Variants in TRDN observed in about 807,000 individuals in gnomAD.
The protein encoded by TRDN is triadin in skeletal muscle.
A neutral mutation model predicts 149.7 loss-of-function variants in TRDN; 161 were observed. That is an observed-to-expected ratio of 1.08 (90% CI 0.95 to 1.23). The LOEUF (loss-of-function observed/expected upper bound fraction) is 1.23, where lower values mean the gene tolerates loss of function less well. Ranked by LOEUF, TRDN falls within the 50% of genes most tolerant of loss-of-function variation. The pLI, the probability that TRDN is intolerant of heterozygous loss-of-function variation, is 0.00. For missense variants in TRDN, 896 were observed against 823.5 expected, an observed-to-expected ratio of 1.09 and a Z score of -1.08; for synonymous variants, 294 against 250.5, an observed-to-expected ratio of 1.17 and a Z score of -1.64.
At chr6:123,541,747 A>G (rs1780846961) in intron 4 of TRDN, among the ~76,000 whole-genome samples, 1 of 152,204 alleles carries the variant, frequency 6.6e-6, no homozygotes, top group South Asian at 2.1e-4. Flanking sequence ...TTCTGAGGCT[A>G]TGAATTTTAA....
chr6:123,400,343 C>T lies in TRDN; in HGVS notation c.1052-6666G>A, dbSNP rs574768411. Among the ~76,000 whole-genome samples, 9 of 151,708 alleles carry T rather than the reference C, an allele frequency of 5.9e-5. No homozygotes were observed. The East Asian group carries it at 1.8e-3, about 30-fold the overall frequency. ...TCCCCAACATTTTTGGCACCAGGGC[C>T]TGGTTTTGTGGAAGACAGTTTATGC... On this transcript the variant is annotated intron_variant, in intron 12 of 40. Coordinates refer to ENST00000334268, the MANE Select transcript of TRDN (RefSeq NM_006073.4).
intron 1 of TRDN, 108 bp from the exon 2 acceptor site, chr6:123,571,240 G>T: frequency 8.6e-7 from 1 of 1,163,448 alleles, no homozygotes; most frequent in African/African-American, 1.5e-5. Flanking sequence ...CTGCTTTCTA[G>T]AGCAGCACAA....
Position 123,350,087 on chromosome 6 carries a change from G to C in TRDN, c.1369+2452C>G, listed in dbSNP as rs569577910. 1.4e-5 allele frequency: 14 copies of C among 978,316 alleles called. No individual in the cohort carries two copies. In the East Asian group the frequency reaches 6.8e-4, roughly 48 times the overall value. The allele number at this position is 978,316 out of a possible 1,614,324, so 60.6% of individuals were successfully genotyped here. A position where few individuals can be genotyped will look rare whatever the true frequency, so the allele number is the denominator to read the frequency against. On this transcript the variant is annotated intron_variant, in intron 21 of 40. Transcript: ENST00000334268. ...ACTCTGATACATTTATGATCAACAG[G>C]CTCCAACTTTATACTTAATAAAATG... is the stretch of plus-strand genomic sequence containing the variant.
chr6:123,457,690 T>TAACTG (rs71021450), intron 10 of TRDN: 43,955 of 335,174 alleles, frequency 0.13, 3,844 homozygotes, highest in South Asian at 0.21. Context: ...TTTAACATAT[T>TAACTG]AACTGAAAGA....
chr6:123,282,594 A>T (rs1389335067), intron 24 of TRDN, among the ~76,000 whole-genome samples: 1 of 151,924 alleles, frequency 6.6e-6, no homozygotes, highest in African/African-American at 2.4e-5. Flanking sequence ...TAAAGCCTAT[A>T]TATTATGTGG....
chr6:123,363,752 T>C (rs187433121), intron 20 of TRDN, among the ~76,000 whole-genome samples: 1 of 152,314 alleles, frequency 6.6e-6, no homozygotes, highest in East Asian at 1.9e-4. Flanking sequence ...TTCAATTCTG[T>C]CTATGTGCTA....
chr6:123,557,082 C>A (rs1379091826), intron 2 of TRDN, among the ~76,000 whole-genome samples: 6 of 111,300 alleles, frequency 5.4e-5, no homozygotes, highest in Non-Finnish European at 9.0e-5. Context: ...CAGAGAATAA[C>A]CCCCCTTTGA....
At chr6:123,564,050 A>T (rs528771030) in intron 2 of TRDN, among the ~76,000 whole-genome samples, 5 of 152,256 alleles carry the variant, frequency 3.3e-5, no homozygotes, top group Admixed American at 3.3e-4. Flanking sequence ...CTTCTTAAAA[A>T]TGAATACTTT....
intron 12 of TRDN, among the ~76,000 whole-genome samples, chr6:123,408,281 C>CTATA (rs1488116148): frequency 2.0e-5 from 3 of 152,192 alleles, no homozygotes; most frequent in Admixed American, 1.3e-4. Context: ...AAGCATCTCA[C>CTATA]TATACATGGT....
intron 12 of TRDN, among the ~76,000 whole-genome samples, chr6:123,424,004 T>C (rs1774016371): frequency 6.6e-6 from 1 of 152,204 alleles, no homozygotes; most frequent in Non-Finnish European, 1.5e-5. Context: ...CCTACATGGT[T>C]AGAGTTTAGG....
intron 1 of TRDN, among the ~76,000 whole-genome samples, chr6:123,604,459 C>T (rs142917564): frequency 0.017 from 2,625 of 152,282 alleles, 56 homozygotes; most frequent in African/African-American, 0.055. Context: ...AATGAAGAGG[C>T]TGGACTTCAT....
chr6:123,243,973 A>G (rs1562227012), intron 38 of TRDN, among the ~76,000 whole-genome samples: 1 of 152,258 alleles, frequency 6.6e-6, no homozygotes, highest in East Asian at 1.9e-4. Flanking sequence ...GAATTTATAG[A>G]ACATTTTGTC....
At chr6:123,529,019 T>C (rs888881248) in intron 5 of TRDN, 21 of 1,340,884 alleles carry the variant, frequency 1.6e-5, no homozygotes, top group Non-Finnish European at 1.9e-5. Flanking sequence ...ACTTGCTAGT[T>C]TAATAAACCT....
At chr6:123,570,893 A>T in intron 2 of TRDN, 30 bp downstream of exon 2, 1 of 1,599,918 alleles carries the variant, frequency 6.3e-7, no homozygotes. Flanking sequence ...AATTAATTTT[A>T]ATTTTAAAGC....
At chr6:123,416,547 A>T (rs914817694) in intron 12 of TRDN, among the ~76,000 whole-genome samples, 1 of 152,112 alleles carries the variant, frequency 6.6e-6, no homozygotes, top group African/African-American at 2.4e-5. Flanking sequence ...CACCTTCCAT[A>T]TTCTCTATCC....
At chr6:123,573,675 A>C (rs1782687128) in intron 1 of TRDN, among the ~76,000 whole-genome samples, 1 of 152,078 alleles carries the variant, frequency 6.6e-6, no homozygotes, top group Non-Finnish European at 1.5e-5. Context: ...AGGAACATAC[A>C]GTATAATTTA....
At chr6:123,277,535 A>G (rs902139796) in intron 26 of TRDN, among the ~76,000 whole-genome samples, 16 of 152,148 alleles carry the variant, frequency 1.1e-4, no homozygotes, top group Non-Finnish European at 1.5e-5. Context: ...ATCCAATATG[A>G]CTGGTGTACT....
chr6:123,460,924 C>A (rs1006671863), intron 10 of TRDN, among the ~76,000 whole-genome samples: 1 of 152,144 alleles, frequency 6.6e-6, no homozygotes, highest in African/African-American at 2.4e-5. Context: ...CCTCCTTTTA[C>A]AGCCTTTATG....
At chr6:123,236,231 G>T (rs188712960) in intron 38 of TRDN, among the ~76,000 whole-genome samples, 1 of 152,080 alleles carries the variant, frequency 6.6e-6, no homozygotes, top group South Asian at 2.1e-4. Context: ...TTATATAATG[G>T]TGGCTTAGCT....
Sources: allele counts gnomAD v4.1 joint callset (sites outside exome capture counted in the v4.1 genomes callset), GRCh38; gene constraint gnomAD v4.1.1; transcripts MANE v1.5; gene names NCBI Gene and HGNC (gene_info 2026-07-23, HGNC 2026-07-21).